Variants in PMM2 observed in about 807,000 individuals in gnomAD.
PMM2 encodes mannose-6-phosphate isomerase.
A neutral mutation model predicts 33.2 loss-of-function variants in PMM2; 35 were observed. That is an observed-to-expected ratio of 1.06 (90% CI 0.81 to 1.40). PMM2 has a LOEUF of 1.40. Among genes scored for constraint, PMM2 ranks in the 40% most tolerant of loss-of-function variants. The pLI is 0.00. For missense variants in PMM2, 386 were observed against 306.0 expected (o/e 1.26, Z -1.95); for synonymous variants, 153 against 114.7 (o/e 1.33, Z -2.13).
chr16:8,802,788 C>T (rs1009453719), intron 2 of PMM2, among the ~76,000 whole-genome samples: 3 of 151,806 alleles, frequency 2.0e-5, no homozygotes, highest in African/African-American at 7.3e-5. Flanking sequence ...CGAGATCACA[C>T]CATTGCACTC....
At chr16:8,823,171 C>T (rs1596494772) in intron 7 of PMM2, among the ~76,000 whole-genome samples, 1 of 152,204 alleles carries the variant, frequency 6.6e-6, no homozygotes, top group East Asian at 1.9e-4. Flanking sequence ...GGCTAGGCAT[C>T]TTTAGTTATA....
At chr16:8,824,066 G>C (rs570472629) in intron 7 of PMM2, among the ~76,000 whole-genome samples, 70 of 152,302 alleles carry the variant, frequency 4.6e-4, no homozygotes, top group African/African-American at 1.6e-3. Context: ...CCAAATTCTG[G>C]AGAAATCAGA....
chr16:8,830,329 A>G (rs1462223502), intron 7 of PMM2, among the ~76,000 whole-genome samples: 1 of 152,192 alleles, frequency 6.6e-6, no homozygotes, highest in Non-Finnish European at 1.5e-5. Flanking sequence ...CTAGACAGCC[A>G]ATTTATCAAG....
intron 7 of PMM2, among the ~76,000 whole-genome samples, chr16:8,833,945 A>T (rs928647933): frequency 6.8e-6 from 1 of 147,824 alleles, no homozygotes; most frequent in Admixed American, 6.6e-5. Context: ...AACAGTGTAA[A>T]CCGGCAGTGT....
At chr16:8,830,905 G>A (rs1293285361) in intron 7 of PMM2, among the ~76,000 whole-genome samples, 1 of 152,230 alleles carries the variant, frequency 6.6e-6, no homozygotes, top group African/African-American at 2.4e-5. Flanking sequence ...TTGAGAGGCT[G>A]AGGCAGGCCG....
chr16:8,805,075 G>A (rs1330753643), intron 3 of PMM2, among the ~76,000 whole-genome samples: 3 of 151,746 alleles, frequency 2.0e-5, no homozygotes, highest in African/African-American at 4.8e-5. Flanking sequence ...TTTTTGAGAC[G>A]GAGTCTTGCT....
At chr16:8,832,043 G>T (rs934516498) in intron 7 of PMM2, 8 of 694,082 alleles carry the variant, frequency 1.2e-5, no homozygotes, top group Non-Finnish European at 1.4e-5. Flanking sequence ...GAAATTTCCG[G>T]TTCTCTAGCC....
intron 7 of PMM2, among the ~76,000 whole-genome samples, chr16:8,836,955 G>T (rs971329034): frequency 1.1e-4 from 17 of 152,062 alleles, no homozygotes; most frequent in African/African-American, 3.9e-4. Context: ...GCCAGTCACA[G>T]AATGAACTGT....
chr16:8,827,719 CATATATATATATATATATATATATATAT>C (rs60052078), intron 7 of PMM2, among the ~76,000 whole-genome samples: 6 of 66,894 alleles, frequency 9.0e-5, no homozygotes, highest in Admixed American at 2.2e-4. Context: ...TAAATGTGTG[CATATATATATATATATATATATATATAT>C]ATATATATAT....
chr16:8,836,936 T>A (rs1296917378), intron 7 of PMM2, among the ~76,000 whole-genome samples: 1 of 151,708 alleles, frequency 6.6e-6, no homozygotes, highest in Non-Finnish European at 1.5e-5. Context: ...GCTGGGCAGG[T>A]GGGGGAGGGC....
intron 7 of PMM2, among the ~76,000 whole-genome samples, chr16:8,824,530 T>C (rs921815093): frequency 1.6e-4 from 25 of 152,218 alleles, no homozygotes; most frequent in African/African-American, 6.0e-4. Context: ...TTGTAACACA[T>C]ACTAATAACA....
chr16:8,822,957 T>C (rs2060746241), intron 7 of PMM2, among the ~76,000 whole-genome samples: 2 of 152,144 alleles, frequency 1.3e-5, no homozygotes, highest in Admixed American at 6.5e-5. Context: ...CCCAGGTAAA[T>C]AGCTCCAAGA....
At chr16:8,825,754 CTA>C (rs1491418186) in intron 7 of PMM2, among the ~76,000 whole-genome samples, 1 of 118,066 alleles carries the variant, frequency 8.5e-6, no homozygotes, top group Admixed American at 9.4e-5. Context: ...AAATAAAACA[CTA>C]TTTTTTTTTT....
chr16:8,810,991 G>T (rs534507316), intron 4 of PMM2, 88 bp from the exon 5 acceptor site: 5 of 807,494 alleles, frequency 6.2e-6, no homozygotes, highest in South Asian at 1.5e-5. Flanking sequence ...CTGCTTTTTA[G>T]AATTTCCCAA....
chr16:8,830,154 C>A (rs952272277), intron 7 of PMM2, among the ~76,000 whole-genome samples: 1 of 152,202 alleles, frequency 6.6e-6, no homozygotes, highest in Non-Finnish European at 1.5e-5. Context: ...CCAGTGTCAG[C>A]CCCCAGTCGA....
chr16:8,815,259 G>A (rs371236074), intron 7 of PMM2, among the ~76,000 whole-genome samples: 124 of 140,268 alleles, frequency 8.8e-4, no homozygotes, highest in Middle Eastern at 3.8e-3. Context: ...TCGCTCTGTC[G>A]CCCAGGCTAG....
At chr16:8,834,917 G>A (rs1406930161) in intron 7 of PMM2, among the ~76,000 whole-genome samples, 17 of 152,186 alleles carry the variant, frequency 1.1e-4, no homozygotes, top group Middle Eastern at 3.4e-3. Flanking sequence ...GCCAGATTGA[G>A]GTCCGGGCCA....
At chr16:8,840,248 A>G (rs1445576485) in intron 7 of PMM2, among the ~76,000 whole-genome samples, 2 of 151,952 alleles carry the variant, frequency 1.3e-5, no homozygotes, top group East Asian at 3.9e-4. Flanking sequence ...GTATAAAAGT[A>G]AAGAATAGAA....
intron 7 of PMM2, among the ~76,000 whole-genome samples, chr16:8,820,790 T>G (rs2060734623): frequency 6.6e-6 from 1 of 152,200 alleles, no homozygotes; most frequent in African/African-American, 2.4e-5. Flanking sequence ...TCTGCTTCCT[T>G]CACTTTCTAA....
Sources: allele counts gnomAD v4.1 joint callset (sites outside exome capture counted in the v4.1 genomes callset), GRCh38; gene constraint gnomAD v4.1.1; transcripts MANE v1.5; gene names NCBI Gene and HGNC (gene_info 2026-07-23, HGNC 2026-07-21).